Variants in FANCL observed in about 807,000 individuals in gnomAD.
The protein encoded by FANCL is FA complementation group L, also known as E3 ubiquitin-protein ligase FANCL.
Under a neutral mutation model 59.4 loss-of-function variants are expected in FANCL, and 69 were observed. That is an observed-to-expected ratio of 1.16 (90% CI 0.96 to 1.42). The LOEUF (loss-of-function observed/expected upper bound fraction) is 1.42, where lower values mean the gene tolerates loss of function less well. Ranked by LOEUF, FANCL falls within the 40% of genes most tolerant of loss-of-function variation. FANCL has a pLI of 0.00. For synonymous variants in FANCL, 180 were observed against 147.1 expected (o/e 1.22, Z -1.62); for missense variants, 519 against 447.2 (o/e 1.16, Z -1.45).
intron 7 of FANCL, among the ~76,000 whole-genome samples, chr2:58,182,822 T>G (rs538658728): frequency 3.0e-4 from 45 of 151,818 alleles, no homozygotes; most frequent in African/African-American, 1.0e-3. Context: ...CTGGTGATAC[T>G]AACAATATAG....
intron 7 of FANCL, 151 bp downstream of exon 7, chr2:58,198,443 A>G: frequency 1.6e-6 from 1 of 643,934 alleles, no homozygotes; most frequent in African/African-American, 1.8e-5. Flanking sequence ...CAGGCTATAA[A>G]CAAAGTCCCA....
At chr2:58,223,729 C>T (rs1692702861) in intron 4 of FANCL, among the ~76,000 whole-genome samples, 1 of 151,868 alleles carries the variant, frequency 6.6e-6, no homozygotes, top group Admixed American at 6.6e-5. Context: ...AATAAAATAA[C>T]CTACCACTTA....
intron 4 of FANCL, among the ~76,000 whole-genome samples, chr2:58,226,340 C>T (rs1312976276): frequency 6.6e-6 from 1 of 152,112 alleles, no homozygotes; most frequent in Admixed American, 6.5e-5. Context: ...AAAATGAAGC[C>T]TAATAAGTTT....
At chr2:58,240,830 C>A (rs1694457946) in intron 1 of FANCL, among the ~76,000 whole-genome samples, 1 of 152,110 alleles carries the variant, frequency 6.6e-6, no homozygotes, top group Non-Finnish European at 1.5e-5. Flanking sequence ...CCCAGATTCC[C>A]GAGTGAACTC....
At chr2:58,184,553 C>T (rs1286363457) in intron 7 of FANCL, among the ~76,000 whole-genome samples, 2 of 152,026 alleles carry the variant, frequency 1.3e-5, no homozygotes, top group Admixed American at 6.6e-5. Flanking sequence ...AAGCAAAATG[C>T]CGTCTGTTTT....
At chr2:58,241,336 A>C (rs747759150), upstream of FANCL, 3 of 1,612,420 alleles carry the variant, frequency 1.9e-6, no homozygotes, top group Non-Finnish European at 2.5e-6. Flanking sequence ...GGAGAAACAC[A>C]GAAAAGCTCT....
intron 5 of FANCL, among the ~76,000 whole-genome samples, chr2:58,216,337 T>C (rs1270648061): frequency 1.3e-5 from 2 of 152,042 alleles, no homozygotes; most frequent in African/African-American, 2.4e-5. Flanking sequence ...GAAAATAATA[T>C]CATCTGGGGC....
At chr2:58,183,810 T>A (rs185003183) in intron 7 of FANCL, among the ~76,000 whole-genome samples, 55 of 152,102 alleles carry the variant, frequency 3.6e-4, no homozygotes, top group Admixed American at 3.1e-3. Flanking sequence ...TTCAATGAAA[T>A]TAACATTTTA....
intron 7 of FANCL, among the ~76,000 whole-genome samples, chr2:58,175,006 C>T: frequency 6.6e-6 from 1 of 152,098 alleles, no homozygotes; most frequent in Non-Finnish European, 1.5e-5. Context: ...CTATAAACAC[C>T]TCTATGCAAA....
intron 8 of FANCL, 34 bp downstream of exon 8, chr2:58,165,690 C>G (rs750644591): frequency 6.2e-7 from 1 of 1,613,434 alleles, no homozygotes. Context: ...AATAAAACAC[C>G]TAAAAACAAA....
At chr2:58,204,670 T>A (rs1690403487) in intron 5 of FANCL, among the ~76,000 whole-genome samples, 2 of 152,106 alleles carry the variant, frequency 1.3e-5, no homozygotes, top group South Asian at 4.1e-4. Flanking sequence ...TTATCAATAA[T>A]GTTACCGTAC....
At chr2:58,160,354 A>C (rs564244156) in intron 12 of FANCL, among the ~76,000 whole-genome samples, 175 bp from the exon 13 acceptor site, 1 of 152,152 alleles carries the variant, frequency 6.6e-6, no homozygotes, top group East Asian at 1.9e-4. Flanking sequence ...GACTATTAAG[A>C]TGTTGAGTAA....
chr2:58,195,709 A>T, intron 7 of FANCL, among the ~76,000 whole-genome samples: 1 of 152,168 alleles, frequency 6.6e-6, no homozygotes, highest in East Asian at 1.9e-4. Flanking sequence ...TAAAAGGAAA[A>T]AAATATAGGC....
intron 7 of FANCL, among the ~76,000 whole-genome samples, chr2:58,193,031 A>C (rs559802038): frequency 5.3e-5 from 8 of 152,058 alleles, no homozygotes; most frequent in Non-Finnish European, 1.2e-4. Flanking sequence ...TAAAATACTT[A>C]AGAAAAAATT....
At chr2:58,207,366 A>G (rs942138800) in intron 5 of FANCL, among the ~76,000 whole-genome samples, 3 of 152,180 alleles carry the variant, frequency 2.0e-5, no homozygotes, top group Non-Finnish European at 4.4e-5. Flanking sequence ...AGGGACTCAA[A>G]ATGTGGCTAG....
intron 5 of FANCL, among the ~76,000 whole-genome samples, chr2:58,214,233 T>A (rs968955135): frequency 6.6e-6 from 1 of 152,182 alleles, no homozygotes; most frequent in Non-Finnish European, 1.5e-5. Flanking sequence ...GATATTCATA[T>A]CCTTATTTTT....
chr2:58,160,213 G>A lies in FANCL; in HGVS notation c.1021-34C>T, dbSNP rs181502442. On this transcript the variant is annotated intron_variant, in intron 12 of 13. Transcript: ENST00000233741. ...TTTAAAAGATAAAGGAGAAGCGTCA[G>A]CATGATTACAAATTACAGATACTCC... is the stretch of plus-strand genomic sequence containing the variant. The A allele has an allele frequency of 1.4e-4, 224 of 1,599,452 alleles. 1 individual carries two copies. In the East Asian group the frequency reaches 3.9e-3, roughly 28 times the overall value.
chr2:58,186,721 T>A (rs1444522504), intron 7 of FANCL, among the ~76,000 whole-genome samples: 2 of 152,136 alleles, frequency 1.3e-5, no homozygotes, highest in Admixed American at 1.3e-4. Flanking sequence ...GCATCCTTGG[T>A]CTTACAGCAT....
intron 7 of FANCL, among the ~76,000 whole-genome samples, chr2:58,197,721 A>T (rs973814898): frequency 3.9e-5 from 6 of 152,250 alleles, no homozygotes; most frequent in Non-Finnish European, 8.8e-5. Context: ...TCTAAAGCAC[A>T]AAATAAAAGA....
Sources: gnomAD v4.1 joint callset for allele counts (sites outside exome capture counted in the v4.1 genomes callset) on GRCh38, gnomAD v4.1.1 for gene constraint, MANE v1.5 for transcripts, NCBI Gene and HGNC (gene_info 2026-07-23, HGNC 2026-07-21) for gene names.